Variants in DISC1 observed in about 807,000 individuals in gnomAD.
DISC1 encodes the protein disrupted in schizophrenia 1 protein.
DISC1 carries 57 observed loss-of-function variants against 84.5 expected under a neutral mutation model. The observed-to-expected ratio is 0.67, with a 90% confidence interval of 0.55 to 0.84. The LOEUF is 0.84. DISC1 is among the 40% of genes least tolerant of loss of function. The pLI is 0.00. For missense variants in DISC1, 1,000 were observed against 1,057.8 expected, an observed-to-expected ratio of 0.95 and a Z score of 0.76; for synonymous variants, 411 against 415.2, an observed-to-expected ratio of 0.99 and a Z score of 0.12.
rs550728344 is a variant in DISC1, at chr1:231,740,058, T to G, written c.1118-9868T>G. Among the ~76,000 whole-genome samples, 6 of 152,324 alleles carry G rather than the reference T, an allele frequency of 3.9e-5. No homozygotes were observed. The South Asian group carries it at 1.2e-3, about 32-fold the overall frequency. On this transcript the variant is annotated intron_variant, in intron 3 of 12. Coordinates refer to ENST00000439617, the MANE Select transcript of DISC1 (RefSeq NM_018662.3). ...GAAACCAGAGAGGTAGCTTGTTCCCTTTCTGCCATGAGAAAAAGCAGCTGC... is the reference window on the plus strand; with the variant it reads ...GAAACCAGAGAGGTAGCTTGTTCCCGTTCTGCCATGAGAAAAAGCAGCTGC...
At chr1:231,637,661 G>C (rs1094657) in intron 1 of DISC1, among the ~76,000 whole-genome samples, 67,689 of 151,738 alleles carry the variant, frequency 0.45, 15,594 homozygotes, top group East Asian at 0.82. Flanking sequence ...GATGTTGTTG[G>C]AAAAGGCATG....
rs573398210 is a variant in DISC1, at chr1:232,035,425, AC to A, written c.2426-1266del. Among the ~76,000 whole-genome samples the A allele has an allele frequency of 1.8e-3, 272 of 152,362 alleles. 2 individuals carry two copies. The highest frequency in any genetic ancestry group is 6.2e-3 in the African/African-American group (257 of 41,592). On this transcript the variant is annotated intron_variant, in intron 12 of 12. Coordinates refer to ENST00000439617, the MANE Select transcript of DISC1 (RefSeq NM_018662.3). ...GCACCACTGCACTCCAGCCTGGGCT[AC>A]AAGTGCAAAACTCTGTCTCAAAAAA...
At chr1:231,748,450 G>T (rs563946722) in intron 3 of DISC1, among the ~76,000 whole-genome samples, 3 of 151,960 alleles carry the variant, frequency 2.0e-5, no homozygotes, top group African/African-American at 7.2e-5. Context: ...TATTATGAAG[G>T]GATGTTGAAT....
intron 11 of DISC1, among the ~76,000 whole-genome samples, chr1:232,018,792 T>G (rs200223174): frequency 6.6e-6 from 1 of 152,170 alleles, no homozygotes; most frequent in Admixed American, 6.5e-5. Flanking sequence ...ATAAAAGCCA[T>G]GTGTGTACAG....
intron 9 of DISC1, among the ~76,000 whole-genome samples, chr1:231,941,291 G>A (rs9431730): frequency 0.062 from 9,368 of 152,018 alleles, 298 homozygotes; most frequent in Middle Eastern, 0.11. Context: ...ACACTCAGCC[G>A]GCTCCCACAT....
At chr1:231,801,286 AAAG>A (rs144795504) in intron 8 of DISC1, among the ~76,000 whole-genome samples, 14,758 of 152,188 alleles carry the variant, frequency 0.097, 902 homozygotes, top group Non-Finnish European at 0.14. Flanking sequence ...AGAGAAAAAA[AAAG>A]AAGATTGAAC....
chr1:231,918,948 C>T (rs2089823182), intron 9 of DISC1, among the ~76,000 whole-genome samples: 1 of 152,208 alleles, frequency 6.6e-6, no homozygotes, highest in Non-Finnish European at 1.5e-5. Context: ...ATTCCATTCC[C>T]TATGCAATAG....
At chr1:231,812,228 T>A (rs999780119) in intron 8 of DISC1, among the ~76,000 whole-genome samples, 15 of 152,066 alleles carry the variant, frequency 9.9e-5, no homozygotes, top group African/African-American at 2.9e-4. Flanking sequence ...GCTAATTTTT[T>A]AATTTTTTTG....
chr1:231,930,879 T>A (rs1219329917), intron 9 of DISC1, among the ~76,000 whole-genome samples: 1 of 152,208 alleles, frequency 6.6e-6, no homozygotes, highest in Non-Finnish European at 1.5e-5. Context: ...GGGGTCCATC[T>A]GTGAGCAGAG....
At chr1:231,798,504 C>G (rs2078946226) in intron 7 of DISC1, among the ~76,000 whole-genome samples, 1 of 152,072 alleles carries the variant, frequency 6.6e-6, no homozygotes, top group South Asian at 2.1e-4. Context: ...CTGGATGAGA[C>G]ATAAGAATTA....
chr1:231,879,768 A>T (rs1265148461), intron 9 of DISC1, among the ~76,000 whole-genome samples: 1 of 152,082 alleles, frequency 6.6e-6, no homozygotes, highest in Non-Finnish European at 1.5e-5. Flanking sequence ...GATTGGTTAG[A>T]TGGTAGTGTT....
intron 1 of DISC1, among the ~76,000 whole-genome samples, chr1:231,668,685 A>G (rs1020190249): frequency 2.6e-5 from 4 of 152,218 alleles, no homozygotes; most frequent in African/African-American, 9.6e-5. Context: ...CCATATTTGT[A>G]TGGTTATCTT....
chr1:231,688,180 C>G (rs1287070666), intron 1 of DISC1, among the ~76,000 whole-genome samples: 1 of 152,096 alleles, frequency 6.6e-6, no homozygotes, highest in Non-Finnish European at 1.5e-5. Context: ...GTTCTAGAAC[C>G]TTCTCTTTGT....
chr1:231,762,300 T>TTGCC (rs1425157070), intron 4 of DISC1, among the ~76,000 whole-genome samples: 335 of 149,278 alleles, frequency 2.2e-3, no homozygotes, highest in African/African-American at 7.8e-3. Context: ...TTCCCTTCCC[T>TTGCC]TGCCTGCCTG....
chr1:232,025,842 C>T (rs926673558), intron 11 of DISC1, among the ~76,000 whole-genome samples: 2 of 152,068 alleles, frequency 1.3e-5, no homozygotes, highest in African/African-American at 2.4e-5. Context: ...GTGATCCGCC[C>T]GCTTCGGCCT....
chr1:231,628,474 C>T (rs985975228), intron 1 of DISC1, among the ~76,000 whole-genome samples: 9 of 152,186 alleles, frequency 5.9e-5, no homozygotes, highest in African/African-American at 2.2e-4. Context: ...TTAGAACTTA[C>T]AATGTGCCAG....
intron 7 of DISC1, among the ~76,000 whole-genome samples, chr1:231,799,714 G>A (rs1213153990): frequency 1.3e-5 from 2 of 151,506 alleles, no homozygotes; most frequent in Non-Finnish European, 2.9e-5. Context: ...TTACCTTGTG[G>A]TTGCTCTCTG....
chr1:232,019,770 G>A (rs927198568), intron 11 of DISC1, among the ~76,000 whole-genome samples: 8 of 152,074 alleles, frequency 5.3e-5, no homozygotes, highest in Admixed American at 2.0e-4. Flanking sequence ...CCATGTGCCC[G>A]CTTGCTTTTC....
chr1:231,841,994 G>A (rs992616732), intron 9 of DISC1, among the ~76,000 whole-genome samples: 7 of 151,924 alleles, frequency 4.6e-5, no homozygotes, highest in African/African-American at 1.5e-4. Flanking sequence ...AGTTTTTCTC[G>A]TTGTTTTTTA....
Sources: gnomAD v4.1 joint callset for allele counts (sites outside exome capture counted in the v4.1 genomes callset) on GRCh38, gnomAD v4.1.1 for gene constraint, MANE v1.5 for transcripts, NCBI Gene and HGNC (gene_info 2026-07-23, HGNC 2026-07-21) for gene names.